The following EVI5 variants were observed in gnomAD, a reference collection of about 807,000 sequenced individuals.
The protein encoded by EVI5 is ecotropic viral integration site 5.
A neutral mutation model predicts 112.0 loss-of-function variants in EVI5; 73 were observed. That is an observed-to-expected ratio of 0.65 (90% CI 0.54 to 0.79). The LOEUF (loss-of-function observed/expected upper bound fraction) is 0.79. EVI5 is among the 30% of genes least tolerant of loss of function. The probability of loss-of-function intolerance (pLI) is 0.00; values close to 1 mark genes in which losing one functional copy is unlikely to be tolerated. For synonymous variants in EVI5, 305 were observed against 319.9 expected, an observed-to-expected ratio of 0.95 and a Z score of 0.50; for missense variants, 900 against 968.8, an observed-to-expected ratio of 0.93 and a Z score of 0.94.
chr1:92,745,006 T>C (rs1386430358), intron 1 of EVI5, among the ~76,000 whole-genome samples: 4 of 152,098 alleles, frequency 2.6e-5, no homozygotes, highest in Admixed American at 2.6e-4. Flanking sequence ...TCATGGCTTG[T>C]TGCAGTCTCA....
chr1:92,603,676 A>ATT (rs71311975), intron 18 of EVI5, among the ~76,000 whole-genome samples: 1 of 151,302 alleles, frequency 6.6e-6, no homozygotes, highest in South Asian at 2.1e-4. Context: ...GGTGTATAAA[A>ATT]TTTTTTTTAT....
At chr1:92,780,630 G>T (rs892446245) in intron 1 of EVI5, among the ~76,000 whole-genome samples, 5 of 152,022 alleles carry the variant, frequency 3.3e-5, no homozygotes, top group Non-Finnish European at 5.9e-5. Flanking sequence ...TCTAATTTAT[G>T]AAAAAAAGTG....
rs184772082 is a variant in EVI5, at chr1:92,649,595, C to T, written c.1392+13124G>A. 2.6e-3 allele frequency among the ~76,000 whole-genome samples: 391 copies of T among 152,196 alleles called. 1 individual carries two copies. The highest frequency in any genetic ancestry group is 4.5e-3 in the Non-Finnish European group (307 of 68,024). On this transcript the variant is annotated intron_variant, in intron 13 of 19. Coordinates refer to ENST00000684568, the MANE Select transcript of EVI5 (RefSeq NM_001350197.2). ...CTTTGGGAGGCTGAGGCAGGCAGATCGCTTGAGTTCAGCTTGAGGCCAGCC... is the reference window on the plus strand; with the variant it reads ...CTTTGGGAGGCTGAGGCAGGCAGATTGCTTGAGTTCAGCTTGAGGCCAGCC...
rs961901260 is a variant in EVI5 at position 92,648,190 on chromosome 1, CAAAAAAAAAAAAAAAAAA to C, written c.1393-11872_1393-11855del. Reference sequence around the variant, plus strand: ...TGAAACCCCGACTCTACTAAAAATACAAAAAAAAAAAAAAAAAAAAAAAAAAAACAAAAACCAGCCGGG... The same window carrying C: ...TGAAACCCCGACTCTACTAAAAATACAAAAAAAAAACAAAAACCAGCCGGG... On this transcript the variant is annotated intron_variant, in intron 13 of 19. Transcript: ENST00000684568. Among the ~76,000 whole-genome samples, 54 of 24,096 alleles carry C rather than the reference CAAAAAAAAAAAAAAAAAA, an allele frequency of 2.2e-3. 1 individual carries two copies. In the East Asian group the frequency reaches 0.067, roughly 30 times the overall value. 15.8% of individuals were successfully genotyped at this position (24,096 alleles called of 152,430 possible).
intron 18 of EVI5, among the ~76,000 whole-genome samples, chr1:92,589,296 G>A (rs113188185): frequency 5.1e-4 from 78 of 152,270 alleles, no homozygotes; most frequent in African/African-American, 1.1e-3. Flanking sequence ...CACACCGAGC[G>A]TGAGCCGAAG....
At chr1:92,532,300 C>T (rs538682185) in intron 19 of EVI5, among the ~76,000 whole-genome samples, 60 of 152,204 alleles carry the variant, frequency 3.9e-4, no homozygotes, top group African/African-American at 1.4e-3. Context: ...CCTTAGAGAC[C>T]TACAAAGAGA....
intron 19 of EVI5, among the ~76,000 whole-genome samples, chr1:92,557,763 C>T (rs1388848565): frequency 6.7e-6 from 1 of 149,382 alleles, no homozygotes; most frequent in Non-Finnish European, 1.5e-5. Context: ...CTCACTGTGT[C>T]GCCCAGGCTG....
intron 1 of EVI5, among the ~76,000 whole-genome samples, chr1:92,753,348 A>T (rs1292231292): frequency 6.6e-6 from 1 of 152,224 alleles, no homozygotes; most frequent in Non-Finnish European, 1.5e-5. Context: ...TCAACCAATC[A>T]ATCAATCAAT....
At chr1:92,635,097 G>T (rs544370117) in intron 14 of EVI5, among the ~76,000 whole-genome samples, 1 of 152,324 alleles carries the variant, frequency 6.6e-6, no homozygotes, top group East Asian at 1.9e-4. Context: ...CCTACTGGGG[G>T]GTGCCTCCCA....
At chr1:92,782,901 C>G (rs1392517872) in intron 1 of EVI5, among the ~76,000 whole-genome samples, 7 of 152,174 alleles carry the variant, frequency 4.6e-5, no homozygotes, top group Non-Finnish European at 1.0e-4. Context: ...CTCACTGCAA[C>G]TTCGACCTCC....
exon 1 of EVI5, chr1:92,792,401 C>T (rs1686164699): frequency 6.2e-7 from 1 of 1,604,854 alleles, no homozygotes; most frequent in Non-Finnish European, 8.5e-7. Flanking sequence ...CCATGATAAG[C>T]AGAGAAGACA....
upstream of EVI5, chr1:92,785,122 G>T (rs1490796410): frequency 2.0e-6 from 2 of 985,352 alleles, no homozygotes; most frequent in Non-Finnish European, 2.4e-6. Flanking sequence ...GCGCAGGCGC[G>T]GGAGGGCCTT....
Position 92,702,153 on chromosome 1 carries a change from C to T in EVI5, c.627G>A (p.Leu209=). 2 of 1,491,824 alleles carry T rather than the reference C, an allele frequency of 1.3e-6. No homozygotes were observed. The highest frequency in any genetic ancestry group is 1.8e-6 in the Non-Finnish European group (2 of 1,113,188). 92.4% of individuals were successfully genotyped at this position (1,491,824 alleles called of 1,614,324 possible). A position where few individuals can be genotyped will look rare whatever the true frequency, so the allele number is the denominator to read the frequency against. Reference sequence around the variant, plus strand: ...TATATTAACTTACCTGCATAAGCAACAATCCAACTATAAAAGCACTTCCTT... The same window carrying T: ...TATATTAACTTACCTGCATAAGCAATAATCCAACTATAAAAGCACTTCCTT... ...YCQGSAFIVG[L]LLMQMPEEEA... The change falls in exon 5 of 20, where the codon TTG becomes TTA. Residue 209 remains leucine, a synonymous_variant. Coordinates refer to ENST00000684568, the MANE Select transcript of EVI5 (RefSeq NM_001350197.2).
intron 9 of EVI5, among the ~76,000 whole-genome samples, chr1:92,680,153 C>G (rs1240016298): frequency 6.6e-6 from 1 of 152,056 alleles, no homozygotes; most frequent in East Asian, 1.9e-4. Flanking sequence ...TGGATCACGC[C>G]ACACCCAGCG....
chr1:92,560,100 T>C (rs1358365570), intron 19 of EVI5, among the ~76,000 whole-genome samples: 2 of 152,164 alleles, frequency 1.3e-5, no homozygotes, highest in African/African-American at 4.8e-5. Flanking sequence ...TAAACTGGCA[T>C]AAATCACTTA....
rs1289281126 is a variant in EVI5 at position 92,563,842 on chromosome 1, C to CT, written c.2071-106_2071-105insA. On this transcript the variant is annotated intron_variant, in intron 18 of 19. Coordinates refer to ENST00000684568, the MANE Select transcript of EVI5 (RefSeq NM_001350197.2). ...AAAGCATAGGCACATACCCTTTAAT[C>CT]ACCTGAATTCTGAACAAATCCATTC... is the stretch of plus-strand genomic sequence containing the variant. 24 of 551,868 alleles carry CT rather than the reference C, an allele frequency of 4.3e-5. No individual in the cohort carries two copies. In the African/African-American group the frequency reaches 4.5e-4, roughly 10 times the overall value. The allele number at this position is 551,868 out of a possible 1,614,324, so 34.2% of individuals were successfully genotyped here.
At chr1:92,631,380 T>C (rs932910290) in intron 14 of EVI5, among the ~76,000 whole-genome samples, 4 of 152,218 alleles carry the variant, frequency 2.6e-5, no homozygotes, top group African/African-American at 9.7e-5. Flanking sequence ...TAGTTCTCCT[T>C]GAAGAGGTCC....
At chr1:92,607,518 A>G in intron 17 of EVI5, 63 bp downstream of exon 17, 2 of 1,171,588 alleles carry the variant, frequency 1.7e-6, no homozygotes, top group Non-Finnish European at 2.3e-6. Flanking sequence ...TCACGATAAA[A>G]CAAACAAAAA....
At chr1:92,725,646 C>CA (rs1415936704) in intron 2 of EVI5, among the ~76,000 whole-genome samples, 3 of 151,734 alleles carry the variant, frequency 2.0e-5, no homozygotes, top group African/African-American at 7.3e-5. Flanking sequence ...TCACCTGAGC[C>CA]AAGGAGGTCA....
Sources: gnomAD v4.1 joint callset for allele counts (sites outside exome capture counted in the v4.1 genomes callset) on GRCh38, gnomAD v4.1.1 for gene constraint, MANE v1.5 for transcripts, NCBI Gene and HGNC (gene_info 2026-07-23, HGNC 2026-07-21) for gene names.